CENPP: variants seen among roughly 807,000 people sequenced by gnomAD.
The protein encoded by CENPP is centromere protein P.
In CENPP, 24 loss-of-function variants were observed where a neutral mutation model predicts 35.6. The ratio of observed to expected loss-of-function variants is 0.67; its 90% CI spans 0.49 to 0.95. The LOEUF (loss-of-function observed/expected upper bound fraction) is 0.95. Among genes scored for constraint, CENPP ranks in the 40% least tolerant of loss-of-function variants. The probability of loss-of-function intolerance (pLI) is 0.00; values close to 1 mark genes in which losing one functional copy is unlikely to be tolerated. For synonymous variants in CENPP, 120 were observed against 125.5 expected, an observed-to-expected ratio of 0.96 and a Z score of 0.29; for missense variants, 332 against 345.3, an observed-to-expected ratio of 0.96 and a Z score of 0.31.
intron 5 of CENPP, among the ~76,000 whole-genome samples, chr9:92,390,587 T>TGC (rs1554756507): frequency 1.2e-3 from 172 of 141,910 alleles, no homozygotes; most frequent in African/African-American, 2.7e-3. Flanking sequence ...TGTGTGTGTG[T>TGC]GCGCGCGCGC....
In CENPP at chr9:92,613,008, T is replaced by C. The variant is rs371574158; in HGVS notation, c.737-11T>C. 5.6e-6 allele frequency: 9 copies of C among 1,613,496 alleles called. No homozygotes were observed. The highest frequency in any genetic ancestry group is 3.3e-5 in the Admixed American group (2 of 59,796). ...TGAAGTTTCTTACCCGGTTTAATGT[T>C]TTCTTTATAGCCCTGGAGCTGGACA... On this transcript the variant is annotated splice_polypyrimidine_tract_variant and intron_variant, in intron 7 of 7. Coordinates refer to ENST00000375587, the MANE Select transcript of CENPP (RefSeq NM_001012267.3).
At chr9:92,591,111 A>G (rs747205237) in intron 5 of CENPP, among the ~76,000 whole-genome samples, 24 of 152,356 alleles carry the variant, frequency 1.6e-4, no homozygotes, top group Non-Finnish European at 2.4e-4. Context: ...GTAATAAAAA[A>G]TTGTGCATAA....
chr9:92,484,950 T>C (rs1222983241), intron 5 of CENPP, among the ~76,000 whole-genome samples: 1 of 152,200 alleles, frequency 6.6e-6, no homozygotes, highest in Non-Finnish European at 1.5e-5. Flanking sequence ...GGGAAAGAAA[T>C]AGGCCCTGGA....
intron 2 of CENPP, among the ~76,000 whole-genome samples, chr9:92,335,542 A>G (rs939020266): frequency 2.7e-5 from 4 of 150,290 alleles, no homozygotes; most frequent in Non-Finnish European, 4.4e-5. Context: ...ATAAATTTTC[A>G]GTTAATTTTT....
At chr9:92,605,220 C>T (rs1451924046) in intron 5 of CENPP, among the ~76,000 whole-genome samples, 1 of 152,190 alleles carries the variant, frequency 6.6e-6, no homozygotes, top group Non-Finnish European at 1.5e-5. Context: ...AACTCCTGGC[C>T]TCAAGTGATC....
chr9:92,380,215 G>A (rs537553783), intron 5 of CENPP, among the ~76,000 whole-genome samples: 14 of 152,188 alleles, frequency 9.2e-5, no homozygotes, highest in Admixed American at 2.6e-4. Context: ...AACTTCCTGA[G>A]CCAGACTCTG....
At chr9:92,571,082 A>T (rs1480999271) in intron 5 of CENPP, among the ~76,000 whole-genome samples, 2 of 151,870 alleles carry the variant, frequency 1.3e-5, no homozygotes, top group Non-Finnish European at 2.9e-5. Flanking sequence ...TATCTCCTTC[A>T]GTTCTGCTCT....
chr9:92,385,205 A>G (rs1158619581), intron 5 of CENPP: 1 of 154,700 alleles, frequency 6.5e-6, no homozygotes, highest in Non-Finnish European at 1.4e-5. Flanking sequence ...TAGCTTTTCA[A>G]AGTTTTTGGA....
intron 5 of CENPP, among the ~76,000 whole-genome samples, chr9:92,478,849 C>G (rs1386400466): frequency 1.3e-5 from 2 of 151,588 alleles, no homozygotes; most frequent in Non-Finnish European, 2.9e-5. Flanking sequence ...ATAATATATC[C>G]AAAATGTAGA....
intron 5 of CENPP, among the ~76,000 whole-genome samples, chr9:92,452,705 T>C (rs1267081932): frequency 6.6e-6 from 1 of 152,192 alleles, no homozygotes; most frequent in African/African-American, 2.4e-5. Flanking sequence ...TCTGGTAGAA[T>C]TCGGCTGTGA....
At chr9:92,526,017 G>A (rs968292694) in intron 5 of CENPP, among the ~76,000 whole-genome samples, 1 of 151,362 alleles carries the variant, frequency 6.6e-6, no homozygotes, top group Non-Finnish European at 1.5e-5. Context: ...TTGTTTTAGA[G>A]TACATGCCTT....
In CENPP at chr9:92,472,271, C is replaced by T. The variant is rs202053708; in HGVS notation, c.564+92412C>T. Among the ~76,000 whole-genome samples the T allele has an allele frequency of 1.3e-5, 2 of 151,972 alleles. 1 individual carries two copies. Among genetic ancestry groups the T allele is most frequent in the Non-Finnish European group, 2.9e-5 (2 of 67,994 alleles). On this transcript the variant is annotated intron_variant, in intron 5 of 7. Transcript: ENST00000375587. The stretch of plus-strand genomic sequence containing the variant: ...ACTCGGGAGGCTGAGTCAGGAGAAT[C>T]GCTTGAACCCAGGAGGCAGAGGTTG...
rs902215153 is a variant in CENPP at position 92,618,851 on chromosome 9, G to C, written c.*5702G>C. 1 of 350,400 alleles carries C rather than the reference G, an allele frequency of 2.9e-6. No homozygotes were observed. Among genetic ancestry groups the C allele is most frequent in the East Asian group, 7.5e-5 (1 of 13,414 alleles). The allele number at this position is 350,400 out of a possible 1,614,324, so 21.7% of individuals were successfully genotyped here. On this transcript the variant is annotated 3_prime_UTR_variant, in exon 8 of 8. Coordinates refer to ENST00000375587, the MANE Select transcript of CENPP (RefSeq NM_001012267.3). ...CTTGACCCAGGAACACATGTTAGAA[G>C]AATGTGGAACATTCCGCAAATACTG...
intron 5 of CENPP, among the ~76,000 whole-genome samples, chr9:92,598,482 A>G (rs7863882): frequency 0.23 from 35,436 of 152,036 alleles, 4,927 homozygotes; most frequent in East Asian, 0.66. Flanking sequence ...ATGGGGAAAT[A>G]ACTTGTCTTC....
At chr9:92,392,864 C>T (rs1296882790) in intron 5 of CENPP, among the ~76,000 whole-genome samples, 2 of 152,116 alleles carry the variant, frequency 1.3e-5, no homozygotes, top group Non-Finnish European at 2.9e-5. Context: ...GGGCTGTCAT[C>T]ATAGACAGTG....
intron 7 of CENPP, 26 bp downstream of exon 7, chr9:92,612,640 A>T: frequency 6.4e-7 from 1 of 1,568,574 alleles, no homozygotes; most frequent in Non-Finnish European, 8.8e-7. Context: ...TGGCTGCTCT[A>T]GGTGACTTCT....
At chr9:92,505,712 G>A in intron 5 of CENPP, 2 of 1,523,626 alleles carry the variant, frequency 1.3e-6, no homozygotes, top group Non-Finnish European at 8.8e-7. Flanking sequence ...AAAAGTATTA[G>A]AATATTAGGA....
chr9:92,391,302 G>A (rs1263205347), intron 5 of CENPP, among the ~76,000 whole-genome samples: 5 of 152,116 alleles, frequency 3.3e-5, no homozygotes, highest in Non-Finnish European at 7.4e-5. Flanking sequence ...AGCTACTCGG[G>A]AAGCTGAGGC....
intron 5 of CENPP, chr9:92,610,995 A>C (rs1851223513): frequency 2.4e-6 from 1 of 421,792 alleles, no homozygotes. Context: ...TGTGACAGAC[A>C]AGGGCAGACC....
Sources: gnomAD v4.1 joint callset for allele counts (sites outside exome capture counted in the v4.1 genomes callset) on GRCh38, gnomAD v4.1.1 for gene constraint, MANE v1.5 for transcripts, NCBI Gene and HGNC (gene_info 2026-07-23, HGNC 2026-07-21) for gene names.